The following EPB41L4B variants were observed in gnomAD, a reference collection of about 807,000 sequenced individuals.
The protein encoded by EPB41L4B is band 4.1-like protein 4B.
EPB41L4B carries 30 observed loss-of-function variants against 112.5 expected under a neutral mutation model. The observed-to-expected ratio is 0.27, with a 90% CI of 0.20 to 0.36. EPB41L4B has a LOEUF of 0.36. Ranked by LOEUF, EPB41L4B falls within the 10% of genes least tolerant of loss-of-function variation. The probability of loss-of-function intolerance (pLI) is 1.00; values close to 1 mark genes in which losing one functional copy is unlikely to be tolerated. For missense variants in EPB41L4B, 1,024 were observed against 1,133.3 expected (o/e 0.90, Z 1.38); for synonymous variants, 408 against 439.7 (o/e 0.93, Z 0.90).
Position 109,217,034 on chromosome 9 carries a change from C to A in EPB41L4B, c.1521G>T (p.Gln507His). Residue 507 changes from glutamine to histidine, a missense_variant, in exon 16 of 26, where the codon CAG (glutamine) becomes CAT (histidine). Coordinates refer to ENST00000374566, the MANE Select transcript of EPB41L4B (RefSeq NM_019114.5). Reference protein sequence around the residue: ...LTAASGRHHHQHQHQHQHQHH... With the variant: ...LTAASGRHHHHHQHQHQHQHH... Reference sequence around the variant, plus strand: ...GCTGGTGCTGATGCTGATGCTGGTGCTGGTGGTGATGCCTTCCTGAAGCTG... The same window carrying A: ...GCTGGTGCTGATGCTGATGCTGGTGATGGTGGTGATGCCTTCCTGAAGCTG... 6.2e-7 allele frequency: 1 copy of A among 1,614,176 alleles called. No homozygotes were observed. Among genetic ancestry groups the A allele is most frequent in the South Asian group, 1.1e-5 (1 of 91,080 alleles).
intron 2 of EPB41L4B, among the ~76,000 whole-genome samples, chr9:109,274,103 C>T (rs902896423): frequency 6.6e-6 from 1 of 152,212 alleles, no homozygotes; most frequent in East Asian, 1.9e-4. Context: ...TTCTATGCTG[C>T]AAAGGCCAGA....
intron 15 of EPB41L4B, among the ~76,000 whole-genome samples, chr9:109,221,055 G>C (rs1361565686): frequency 2.6e-5 from 4 of 152,056 alleles, no homozygotes; most frequent in African/African-American, 9.7e-5. Context: ...GCGATTTCTG[G>C]GCAAATTTAG....
intron 2 of EPB41L4B, among the ~76,000 whole-genome samples, chr9:109,271,644 G>A (rs1300533804): frequency 6.6e-6 from 1 of 152,190 alleles, no homozygotes. Context: ...ACTGTATTCA[G>A]CAGCGGCGGG....
At position 109,279,868 on chromosome 9, in the gene EPB41L4B, A is replaced by G. The variant is rs938506264; in HGVS notation, c.360T>C (p.Leu120=). 1.2e-6 allele frequency: 2 copies of G among 1,614,170 alleles called. No homozygotes were observed. The highest frequency in any genetic ancestry group is 3.3e-5 in the Admixed American group (2 of 60,018). Residue 120 remains leucine, a synonymous_variant, in exon 2 of 26, where the codon CTT becomes CTC. Transcript: ENST00000374566. ...LFDQIVYHLD[L]VETDYFGLQF... The stretch of plus-strand genomic sequence containing the variant: ...GGAGGCCAAAGTAATCTGTTTCCAC[A>G]AGGTCCAAGTGGTACACAATCTGAT...
chr9:109,270,411 G>T (rs1835567003), intron 2 of EPB41L4B, among the ~76,000 whole-genome samples: 1 of 152,152 alleles, frequency 6.6e-6, no homozygotes, highest in Non-Finnish European at 1.5e-5. Flanking sequence ...TTTTTAGGGG[G>T]TGGGCTGGGT....
rs1832222765 is a variant in EPB41L4B, at chr9:109,185,505, G to A, written c.2402C>T (p.Pro801Leu). ...GGTACCTACCAGCCTCGTTTTGATT[G>A]GAGGGTACATGCAAACTCCAGTGGT... is the stretch of plus-strand genomic sequence containing the variant. ...EETTGVCMYPPIKTRLIKTFP... is the reference protein window; with the variant it reads ...EETTGVCMYPLIKTRLIKTFP... Residue 801 changes from proline (P) to leucine (L), a missense_variant, in exon 23 of 26, where the codon CCA becomes CTA. Transcript: ENST00000374566. 6.2e-7 allele frequency: 1 copy of A among 1,613,830 alleles called. No homozygotes were observed. The highest frequency in any genetic ancestry group is 1.3e-5 in the African/African-American group (1 of 74,918).
intron 6 of EPB41L4B, among the ~76,000 whole-genome samples, chr9:109,261,138 C>T (rs189857695): frequency 1.2e-3 from 185 of 152,288 alleles, no homozygotes; most frequent in African/African-American, 3.9e-3. Context: ...GCGGAGGCCA[C>T]GGCCATGTTC....
At chr9:109,309,755 CAGAGAGAGAGAGAGAG>C (rs34950010) in intron 1 of EPB41L4B, among the ~76,000 whole-genome samples, 4 of 142,228 alleles carry the variant, frequency 2.8e-5, no homozygotes, top group East Asian at 2.3e-4. Context: ...AATACACACA[CAGAGAGAGAGAGAGAG>C]AGAGAGAGAG....
Position 109,176,533 on chromosome 9 carries a change from C to T in EPB41L4B, c.2633+18G>A. The T allele has an allele frequency of 6.3e-7, 1 of 1,586,918 alleles. No individual in the cohort carries two copies. The highest frequency in any genetic ancestry group is 8.6e-7 in the Non-Finnish European group (1 of 1,167,154). ...CTGTCACCAGAATTACCTGTCGGAA[C>T]CTGCTGACCTGACCTACCTGGCTGC... On this transcript the variant is annotated intron_variant, in intron 25 of 25. Transcript: ENST00000374566.
chr9:109,178,909 A>AAAAT (rs1049636182), intron 24 of EPB41L4B, among the ~76,000 whole-genome samples: 3 of 151,482 alleles, frequency 2.0e-5, no homozygotes, highest in Non-Finnish European at 2.9e-5. Flanking sequence ...AAGTAAAAAA[A>AAAAT]AAAAAAAAAA....
At chr9:109,238,110 T>A (rs1430351801) in intron 15 of EPB41L4B, among the ~76,000 whole-genome samples, 1 of 152,134 alleles carries the variant, frequency 6.6e-6, no homozygotes, top group East Asian at 1.9e-4. Context: ...AGCTTCCCTA[T>A]CTATGAAAAA....
In EPB41L4B at chr9:109,203,743, G is replaced by A; in HGVS notation, c.1879-13C>T. ...CCTCCTTTCCACCCTGTTAAAGAAA[G>A]CATTCAGGTTAGTCAAAACTGAATA... On this transcript the variant is annotated splice_polypyrimidine_tract_variant and intron_variant, in intron 18 of 25. Coordinates refer to ENST00000374566, the MANE Select transcript of EPB41L4B (RefSeq NM_019114.5). The A allele has an allele frequency of 6.2e-7, 1 of 1,610,394 alleles. No individual in the cohort carries two copies. The highest frequency in any genetic ancestry group is 8.5e-7 in the Non-Finnish European group (1 of 1,176,782).
Position 109,213,691 on chromosome 9 carries a change from C to T in EPB41L4B, c.1752+9G>A, listed in dbSNP as rs1253536801. ...TCCATGGTCATGGCAGAGCCCCGGC[C>T]CTTGGCACCTTGTTTATGTTGATGT... On this transcript the variant is annotated intron_variant, in intron 17 of 25. Transcript: ENST00000374566. The T allele has an allele frequency of 1.9e-6, 3 of 1,611,536 alleles. No individual in the cohort carries two copies. The East Asian group carries it at 6.7e-5, about 36-fold the overall frequency.
At chr9:109,253,840 G>C (rs1470680113) in intron 11 of EPB41L4B, among the ~76,000 whole-genome samples, 1 of 152,192 alleles carries the variant, frequency 6.6e-6, no homozygotes, top group Non-Finnish European at 1.5e-5. Flanking sequence ...ATCTCATTAA[G>C]AGAACATTGA....
chr9:109,316,687 TG>T (rs1363487224), intron 1 of EPB41L4B, among the ~76,000 whole-genome samples: 1 of 152,204 alleles, frequency 6.6e-6, no homozygotes, highest in Non-Finnish European at 1.5e-5. Flanking sequence ...ATCTGGAAGT[TG>T]GGTTTGTACA....
intron 15 of EPB41L4B, among the ~76,000 whole-genome samples, chr9:109,225,153 C>T (rs1386807213): frequency 1.3e-5 from 2 of 152,248 alleles, no homozygotes; most frequent in Non-Finnish European, 2.9e-5. Context: ...GTGTCCTCCA[C>T]TGTGCTAAGA....
intron 15 of EPB41L4B, among the ~76,000 whole-genome samples, chr9:109,239,078 G>A (rs1834258647): frequency 6.6e-6 from 1 of 152,192 alleles, no homozygotes; most frequent in Non-Finnish European, 1.5e-5. Context: ...ACTGGGAGGA[G>A]CATGAGCTTG....
intron 2 of EPB41L4B, among the ~76,000 whole-genome samples, chr9:109,276,909 C>T (rs1046226438): frequency 3.3e-5 from 5 of 152,180 alleles, no homozygotes; most frequent in Non-Finnish European, 5.9e-5. Flanking sequence ...GACATGCCAA[C>T]GTCCCCTTTA....
chr9:109,250,362 C>T (rs1834736134), intron 13 of EPB41L4B, among the ~76,000 whole-genome samples: 1 of 152,124 alleles, frequency 6.6e-6, no homozygotes, highest in Admixed American at 6.5e-5. Context: ...CCACGTTTTG[C>T]CAACTGTCCT....
Sources: allele counts gnomAD v4.1 joint callset (sites outside exome capture counted in the v4.1 genomes callset), GRCh38; gene constraint gnomAD v4.1.1; transcripts MANE v1.5; gene names NCBI Gene and HGNC (gene_info 2026-07-23, HGNC 2026-07-21).